Variants in IFT70B observed in about 807,000 individuals in gnomAD.
IFT70B encodes intraflagellar transport protein 70B.
the IFT70B span, chr2:177,549,532 T>C: frequency 6.6e-6 from 1 of 152,236 alleles, no homozygotes; most frequent in African/African-American, 2.4e-5. Context: ...TCAAAAACTG[T>C]CAAAATCAAC....
the IFT70B span, chr2:177,552,401 A>G: frequency 1.4e-5 from 23 of 1,613,668 alleles, no homozygotes; most frequent in East Asian, 6.7e-5. Context: ...TGTACTTGAT[A>G]GCAGCTTGCA....
At chr2:177,549,970 C>G in the IFT70B span, 2 of 152,192 alleles carry the variant, frequency 1.3e-5, no homozygotes, top group Non-Finnish European at 2.9e-5. Flanking sequence ...AGCCTAGGAG[C>G]TGGATACTAG....
the IFT70B span, chr2:177,551,972 C>G: frequency 1.9e-6 from 3 of 1,614,222 alleles, no homozygotes; most frequent in Non-Finnish European, 2.5e-6. Flanking sequence ...CATAGTTTCT[C>G]AGTTGGTATT....
the IFT70B span, chr2:177,552,722 G>A: frequency 2.2e-5 from 35 of 1,590,934 alleles, no homozygotes; most frequent in African/African-American, 1.7e-4. Flanking sequence ...CGACCGCGGT[G>A]AACTCCCCGT....
chr2:177,551,684 G>T, the IFT70B span: 6 of 1,614,064 alleles, frequency 3.7e-6, no homozygotes, highest in Non-Finnish European at 5.1e-6. Context: ...CGTCCAAGAA[G>T]TCATAGAGAT....
chr2:177,551,623 C>T, the IFT70B span: 1 of 1,614,216 alleles, frequency 6.2e-7, no homozygotes, highest in East Asian at 2.2e-5. Context: ...CCTGCTAGCC[C>T]ATCAAGCTTA....
chr2:177,550,903 G>C, the IFT70B span: 309 of 1,613,978 alleles, frequency 1.9e-4, no homozygotes, highest in Non-Finnish European at 2.5e-4. Context: ...CTGCCATGAA[G>C]TTCACAGTGT....
the IFT70B span, chr2:177,551,315 T>A: frequency 6.2e-7 from 1 of 1,613,738 alleles, no homozygotes; most frequent in Non-Finnish European, 8.5e-7. Context: ...TGACTATGGG[T>A]TCATAGAAAC....
At chr2:177,552,160 G>A in the IFT70B span, 5 of 1,614,208 alleles carry the variant, frequency 3.1e-6, no homozygotes, top group South Asian at 1.1e-5. Flanking sequence ...GCATACTGTC[G>A]GCTGCTGTAA....
At chr2:177,550,908 C>G in the IFT70B span, 2 of 1,614,122 alleles carry the variant, frequency 1.2e-6, no homozygotes, top group African/African-American at 2.7e-5. Context: ...ATGAAGTTCA[C>G]AGTGTTCTAG....
At chr2:177,550,900 G>A in the IFT70B span, 16 of 1,614,074 alleles carry the variant, frequency 9.9e-6, no homozygotes, top group Non-Finnish European at 1.3e-5. Context: ...TTTCTGCCAT[G>A]AAGTTCACAG....
chr2:177,552,191 G>A, the IFT70B span: 1 of 1,614,220 alleles, frequency 6.2e-7, no homozygotes, highest in Non-Finnish European at 8.5e-7. Flanking sequence ...CCAGGTTGTA[G>A]GAAAGGTCAG....
the IFT70B span, chr2:177,551,531 C>T: frequency 1.1e-5 from 18 of 1,614,216 alleles, no homozygotes; most frequent in Admixed American, 1.7e-5. Context: ...CATTCACTGC[C>T]TTTTTGATAG....
the IFT70B span, chr2:177,551,745 G>C: frequency 1.2e-5 from 19 of 1,614,098 alleles, no homozygotes; most frequent in Non-Finnish European, 1.6e-5. Context: ...CAGGACATCT[G>C]CTGCCAGGTC....
chr2:177,551,197 T>A, the IFT70B span: 1 of 1,613,826 alleles, frequency 6.2e-7, no homozygotes, highest in Non-Finnish European at 8.5e-7. Context: ...TTTTCAATCT[T>A]CCTCATCAAC....
the IFT70B span, chr2:177,552,636 C>T: frequency 1.3e-6 from 2 of 1,590,344 alleles, no homozygotes; most frequent in Non-Finnish European, 1.7e-6. Flanking sequence ...GGCGCGGCTC[C>T]TAGGGCTCCG....
chr2:177,551,873 G>T, the IFT70B span: 3 of 1,614,238 alleles, frequency 1.9e-6, no homozygotes, highest in Non-Finnish European at 2.5e-6. Context: ...TGGCATCCAT[G>T]TTCATTAGTG....
the IFT70B span, chr2:177,552,678 T>G: frequency 5.0e-6 from 8 of 1,595,448 alleles, no homozygotes; most frequent in East Asian, 1.8e-4. Context: ...CTGCACCGCC[T>G]CGGCGTAGCG....
the IFT70B span, chr2:177,550,733 A>T: frequency 6.6e-7 from 1 of 1,526,184 alleles, no homozygotes; most frequent in Non-Finnish European, 8.8e-7. Context: ...TTACATAACA[A>T]AGCCATTTGA....
Sources: allele counts gnomAD v4.1 joint callset, GRCh38; gene constraint gnomAD v4.1.1; transcripts MANE v1.5; gene names NCBI Gene and HGNC (gene_info 2026-07-23, HGNC 2026-07-21).